SCFD1: variants seen among roughly 807,000 people sequenced by gnomAD.
The protein encoded by SCFD1 is sec1 family domain-containing protein 1.
A neutral mutation model predicts 103.2 loss-of-function variants in SCFD1; 37 were observed. The observed-to-expected ratio is 0.36, with a 90% CI of 0.28 to 0.47. The LOEUF (loss-of-function observed/expected upper bound fraction) is 0.47, where lower values mean the gene tolerates loss of function less well. SCFD1 is among the 20% of genes least tolerant of loss of function. The pLI is 1.00. For missense variants in SCFD1, 639 were observed against 761.2 expected, an observed-to-expected ratio of 0.84 and a Z score of 1.89; for synonymous variants, 264 against 245.0, an observed-to-expected ratio of 1.08 and a Z score of -0.73.
intron 15 of SCFD1, among the ~76,000 whole-genome samples, chr14:30,697,067 TG>T (rs141545244): frequency 0.022 from 3,272 of 151,504 alleles, 114 homozygotes; most frequent in African/African-American, 0.075. Context: ...GATTGTATGT[TG>T]GGGGGGGCGG....
chr14:30,694,740 A>G (rs1890575181), intron 14 of SCFD1, 33 bp from the exon 15 acceptor site: 1 of 1,557,424 alleles, frequency 6.4e-7, no homozygotes, highest in Non-Finnish European at 8.6e-7. Context: ...TAATGACTTA[A>G]TATATTCTCA....
intron 23 of SCFD1, among the ~76,000 whole-genome samples, chr14:30,732,787 A>G (rs1215506135): frequency 2.6e-5 from 4 of 152,228 alleles, no homozygotes; most frequent in South Asian, 2.1e-4. Context: ...CTAACTCACA[A>G]TGTAAATGCT....
intron 18 of SCFD1, among the ~76,000 whole-genome samples, chr14:30,706,635 G>A (rs1891489245): frequency 6.6e-6 from 1 of 152,096 alleles, no homozygotes. Context: ...TCAGGGCTAG[G>A]TATGACATCT....
chr14:30,628,037 G>A lies in SCFD1; in HGVS notation c.62-172G>A, dbSNP rs77801125. 6.9e-3 allele frequency among the ~76,000 whole-genome samples: 1,050 copies of A among 152,172 alleles called. 11 individuals are homozygous for A. The highest frequency in any genetic ancestry group is 0.024 in the African/African-American group (1,010 of 41,528). ...CCCAAATACATGTCAATTAGCTGTC[G>A]ATGGAATAGTCTTACAAGATCTGAC... On this transcript the variant is annotated intron_variant, in intron 1 of 24. Coordinates refer to ENST00000458591, the MANE Select transcript of SCFD1 (RefSeq NM_016106.4).
chr14:30,622,358 C>A lies in SCFD1; in HGVS notation c.20C>A (p.Ala7Glu). The A allele has an allele frequency of 1.3e-6, 2 of 1,566,532 alleles. No individual in the cohort carries two copies. The highest frequency in any genetic ancestry group is 1.7e-6 in the Non-Finnish European group (2 of 1,156,040). The change falls in exon 1 of 25, where the codon GCG becomes GAG. Residue 7 changes from alanine to glutamate, a missense_variant. Ala to Glu is a moderately radical substitution (Grantham distance 107, BLOSUM62 -1). Transcript: ENST00000458591. ...GCCAAGATGGCGGCGGCGGCGGCAG[C>A]GACAGCAGCAGCAGCAGCCAGTATT... is the stretch of plus-strand genomic sequence containing the variant. MAAAAA[A>E]TAAAAASIRE...
chr14:30,653,579 C>G lies in SCFD1; in HGVS notation c.846C>G (p.His282Gln). ...HHTWTYQALV[H>Q]DVLDFHLNRV... ...CTTGGACATATCAAGCATTGGTGCACGATGTACTGGTAAGAGACTAAATGC... is the reference window on the plus strand; with the variant it reads ...CTTGGACATATCAAGCATTGGTGCAGGATGTACTGGTAAGAGACTAAATGC... The change falls in exon 10 of 25, where the codon CAC becomes CAG. Residue 282 changes from histidine (H) to glutamine (Q), a missense_variant. Physicochemically the swap from His to Gln is conservative, Grantham distance 24. Coordinates refer to ENST00000458591, the MANE Select transcript of SCFD1 (RefSeq NM_016106.4). 2 of 1,604,768 alleles carry G rather than the reference C, an allele frequency of 1.2e-6. No homozygotes were observed. The highest frequency in any genetic ancestry group is 1.7e-6 in the Non-Finnish European group (2 of 1,172,070).
At position 30,653,481 on chromosome 14, in the gene SCFD1, A is replaced by C. The variant is rs368779059; in HGVS notation, c.756-8A>C. On this transcript the variant is annotated splice_region_variant and splice_polypyrimidine_tract_variant and intron_variant, in intron 9 of 24. Transcript: ENST00000458591. ...AGTTATGTAATTTTTTTATATGTAT[A>C]TTTACAGCTTCCAGAGGCCCTTATT... 2.5e-5 allele frequency: 40 copies of C among 1,588,332 alleles called. No homozygotes were observed. The African/African-American group carries it at 3.5e-4, about 14-fold the overall frequency.
At chr14:30,707,595 A>T (rs986822982) in intron 18 of SCFD1, among the ~76,000 whole-genome samples, 10 of 152,198 alleles carry the variant, frequency 6.6e-5, no homozygotes, top group African/African-American at 2.4e-4. Flanking sequence ...CTCCTAAAGC[A>T]AATTGTCCAA....
intron 10 of SCFD1, among the ~76,000 whole-genome samples, chr14:30,658,524 C>G (rs1156624083): frequency 6.6e-6 from 1 of 152,084 alleles, no homozygotes; most frequent in Non-Finnish European, 1.5e-5. Context: ...TCCTGAGTAG[C>G]TGGGACTACA....
intron 10 of SCFD1, among the ~76,000 whole-genome samples, chr14:30,661,735 G>A (rs1887468630): frequency 6.6e-6 from 1 of 152,142 alleles, no homozygotes; most frequent in African/African-American, 2.4e-5. Context: ...AAGCATTTAG[G>A]AAGAGTAGAA....
chr14:30,732,381 T>C (rs548254921), intron 23 of SCFD1, among the ~76,000 whole-genome samples: 2 of 152,364 alleles, frequency 1.3e-5, no homozygotes, highest in Non-Finnish European at 2.9e-5. Context: ...GGGCAAAGCA[T>C]CTAGTCTTTG....
chr14:30,721,679 T>G, intron 21 of SCFD1: 1 of 547,080 alleles, frequency 1.8e-6, no homozygotes, highest in Non-Finnish European at 3.2e-6. Context: ...GACTCTGAGA[T>G]ATCTCCCTTT....
chr14:30,712,851 A>G (rs1334076474), intron 19 of SCFD1, among the ~76,000 whole-genome samples: 2 of 152,192 alleles, frequency 1.3e-5, no homozygotes, highest in South Asian at 2.1e-4. Context: ...TCTAAGAACA[A>G]AAAATATGCT....
intron 1 of SCFD1, among the ~76,000 whole-genome samples, chr14:30,626,297 T>C (rs893483674): frequency 6.6e-6 from 1 of 152,140 alleles, no homozygotes; most frequent in Admixed American, 6.5e-5. Context: ...CCAAAAATTA[T>C]GTCTGTAGGT....
At chr14:30,632,618 A>G (rs916214270) in intron 3 of SCFD1, among the ~76,000 whole-genome samples, 4 of 152,172 alleles carry the variant, frequency 2.6e-5, no homozygotes, top group Admixed American at 2.0e-4. Context: ...ATCCTTGGAA[A>G]TTGTGGTTTA....
At chr14:30,710,716 C>T (rs896315793) in intron 19 of SCFD1, among the ~76,000 whole-genome samples, 2 of 152,084 alleles carry the variant, frequency 1.3e-5, no homozygotes, top group Non-Finnish European at 2.9e-5. Context: ...CATGTTAAAG[C>T]TCTATTACCC....
At chr14:30,625,604 GGTATAGGTATACCTATAT>G (rs1883315414) in intron 1 of SCFD1, among the ~76,000 whole-genome samples, 1 of 41,640 alleles carries the variant, frequency 2.4e-5, no homozygotes, top group African/African-American at 2.6e-4. Context: ...TTTTGTTATA[GGTATAGGTATACCTATAT>G]AGGTATAGGT....
At chr14:30,649,668 T>A in intron 8 of SCFD1, 85 bp downstream of exon 8, 1 of 987,670 alleles carries the variant, frequency 1.0e-6, no homozygotes, top group Non-Finnish European at 1.5e-6. Flanking sequence ...TTGTTAATAT[T>A]TAAATATATG....
At chr14:30,671,244 G>A (rs1427423534) in intron 11 of SCFD1, among the ~76,000 whole-genome samples, 7 of 151,600 alleles carry the variant, frequency 4.6e-5, no homozygotes, top group Non-Finnish European at 7.4e-5. Flanking sequence ...AAATCAAATC[G>A]CCATAACAAA....
Sources: gnomAD v4.1 joint callset for allele counts (sites outside exome capture counted in the v4.1 genomes callset) on GRCh38, gnomAD v4.1.1 for gene constraint, MANE v1.5 for transcripts, NCBI Gene and HGNC (gene_info 2026-07-23, HGNC 2026-07-21) for gene names.